The following SBF2 variants were observed in gnomAD, a reference collection of about 807,000 sequenced individuals.
SBF2 encodes SET binding factor 2.
Under a neutral mutation model 225.2 loss-of-function variants are expected in SBF2, and 112 were observed. The ratio of observed to expected loss-of-function variants is 0.50; its 90% CI spans 0.43 to 0.58. The LOEUF is 0.58. Among genes scored for constraint, SBF2 ranks in the 20% least tolerant of loss-of-function variants. The pLI is 0.00. For missense variants in SBF2, 1,996 were observed against 2,206.2 expected, an observed-to-expected ratio of 0.90 and a Z score of 1.91; for synonymous variants, 763 against 773.3, an observed-to-expected ratio of 0.99 and a Z score of 0.22.
chr11:10,143,361 G>A (rs889302405), intron 2 of SBF2, among the ~76,000 whole-genome samples: 1 of 151,992 alleles, frequency 6.6e-6, no homozygotes, highest in African/African-American at 2.4e-5. Flanking sequence ...TAGTAGAAAC[G>A]GGGTTTCACC....
chr11:10,109,976 T>C (rs1952756545), intron 2 of SBF2, among the ~76,000 whole-genome samples: 1 of 152,228 alleles, frequency 6.6e-6, no homozygotes, highest in African/African-American at 2.4e-5. Flanking sequence ...AAACAAAATA[T>C]TTCAAATTCC....
At chr11:9,882,430 T>C (rs985270564) in intron 17 of SBF2, among the ~76,000 whole-genome samples, 27 of 152,304 alleles carry the variant, frequency 1.8e-4, no homozygotes, top group Admixed American at 3.3e-4. Context: ...TCAGCAGATA[T>C]CTGTAATATG....
intron 17 of SBF2, among the ~76,000 whole-genome samples, chr11:9,893,038 A>C (rs1166526891): frequency 6.6e-6 from 1 of 152,180 alleles, no homozygotes; most frequent in African/African-American, 2.4e-5. Context: ...ATATTGAGAT[A>C]CTCAATAAAC....
At chr11:10,061,784 C>T (rs10840354) in intron 2 of SBF2, among the ~76,000 whole-genome samples, 69,789 of 151,982 alleles carry the variant, frequency 0.46, 16,430 homozygotes, top group Admixed American at 0.56. Context: ...CATTTACAGA[C>T]TCAATGCTAT....
chr11:9,794,699 A>AAAAAAAAAAAAAAAG (rs1564859829), intron 33 of SBF2, among the ~76,000 whole-genome samples: 4 of 147,162 alleles, frequency 2.7e-5, no homozygotes, highest in African/African-American at 1.0e-4. Context: ...AAAAAAAAAA[A>AAAAAAAAAAAAAAAG]AAAAAAAAGA....
intron 1 of SBF2, among the ~76,000 whole-genome samples, chr11:10,205,721 T>C (rs1957729889): frequency 6.6e-6 from 1 of 151,930 alleles, no homozygotes; most frequent in South Asian, 2.1e-4. Flanking sequence ...CCTGACTCCC[T>C]TTCCCCAAAG....
At chr11:10,053,059 T>C (rs1176094445) in intron 2 of SBF2, among the ~76,000 whole-genome samples, 6 of 152,158 alleles carry the variant, frequency 3.9e-5, no homozygotes, top group Non-Finnish European at 8.8e-5. Flanking sequence ...GCATATTGTA[T>C]ATATAGTTAT....
At chr11:10,289,117 C>T (rs889980704) in intron 1 of SBF2, among the ~76,000 whole-genome samples, 4 of 152,244 alleles carry the variant, frequency 2.6e-5, no homozygotes, top group African/African-American at 9.6e-5. Flanking sequence ...TCAGCGCTGA[C>T]CTAAGTGTGT....
At position 9,838,364 on chromosome 11, in the gene SBF2, G is replaced by C. The variant is rs370570261; in HGVS notation, c.3455+1134C>G. 5 of 151,976 alleles carry C rather than the reference G, an allele frequency of 3.3e-5. No homozygotes were observed. The South Asian group carries it at 1.0e-3, about 32-fold the overall frequency. 9.4% of individuals were successfully genotyped at this position (151,976 alleles called of 1,614,324 possible). ...CTTCTGACAGATTGGAATGATAAAT[G>C]AGTCTGTTTTCTCAATGGCTGGCAT... On this transcript the variant is annotated intron_variant, in intron 26 of 39. Coordinates refer to ENST00000256190, the MANE Select transcript of SBF2 (RefSeq NM_030962.4).
chr11:9,955,925 T>C (rs897997188), intron 16 of SBF2, among the ~76,000 whole-genome samples: 2 of 152,140 alleles, frequency 1.3e-5, no homozygotes, highest in Non-Finnish European at 2.9e-5. Context: ...TATCCTTAAA[T>C]AGTATATAAC....
intron 2 of SBF2, among the ~76,000 whole-genome samples, chr11:10,061,734 G>A (rs1950453837): frequency 6.6e-6 from 1 of 152,144 alleles, no homozygotes; most frequent in Non-Finnish European, 1.5e-5. Context: ...TCATGTATAG[G>A]AAGAATCAAT....
intron 26 of SBF2, among the ~76,000 whole-genome samples, chr11:9,834,636 G>T (rs1371851133): frequency 6.6e-6 from 1 of 152,114 alleles, no homozygotes; most frequent in Non-Finnish European, 1.5e-5. Flanking sequence ...GGAAGCTGTG[G>T]CCTGAATTTT....
At chr11:10,231,534 C>A (rs865920155) in intron 1 of SBF2, among the ~76,000 whole-genome samples, 1 of 152,148 alleles carries the variant, frequency 6.6e-6, no homozygotes, top group Non-Finnish European at 1.5e-5. Context: ...ACAGTCAGGA[C>A]CCTCAGCTTC....
At chr11:10,013,630 T>C (rs544301614) in intron 6 of SBF2, among the ~76,000 whole-genome samples, 47 of 152,310 alleles carry the variant, frequency 3.1e-4, no homozygotes, top group African/African-American at 1.1e-3. Context: ...TCCAATGCTG[T>C]CCAATTTCTC....
At chr11:10,121,713 G>A (rs1953459571) in intron 2 of SBF2, among the ~76,000 whole-genome samples, 1 of 152,180 alleles carries the variant, frequency 6.6e-6, no homozygotes. Flanking sequence ...AATTACAGTT[G>A]TCCTCTTTTA....
At chr11:9,917,763 A>T (rs1013640574) in intron 16 of SBF2, among the ~76,000 whole-genome samples, 2 of 150,926 alleles carry the variant, frequency 1.3e-5, no homozygotes, top group Non-Finnish European at 2.9e-5. Flanking sequence ...ATAAAGCACC[A>T]CTGGAATCTG....
intron 3 of SBF2, among the ~76,000 whole-genome samples, chr11:10,038,666 AT>A (rs764420929): frequency 5.9e-5 from 9 of 151,860 alleles, no homozygotes; most frequent in Non-Finnish European, 1.3e-4. Context: ...AACGTATCTT[AT>A]GTCTTCTATG....
chr11:10,105,502 T>C (rs1952507953), intron 2 of SBF2, among the ~76,000 whole-genome samples: 1 of 152,224 alleles, frequency 6.6e-6, no homozygotes, highest in Non-Finnish European at 1.5e-5. Context: ...GATTGTACCA[T>C]TCTTGTACAA....
chr11:9,789,401 G>C, intron 34 of SBF2, 59 bp from the exon 35 acceptor site: 1 of 1,273,086 alleles, frequency 7.9e-7, no homozygotes, highest in Non-Finnish European at 1.1e-6. Flanking sequence ...CAAGCTCACT[G>C]TCAGGCAAAC....
Sources: allele counts gnomAD v4.1 joint callset (sites outside exome capture counted in the v4.1 genomes callset), GRCh38; gene constraint gnomAD v4.1.1; transcripts MANE v1.5; gene names NCBI Gene and HGNC (gene_info 2026-07-23, HGNC 2026-07-21).